MAGI1: variants seen among roughly 807,000 people sequenced by gnomAD.
MAGI1 encodes the protein membrane associated guanylate kinase, WW and PDZ domain containing 1.
MAGI1 carries 58 observed loss-of-function variants against 139.9 expected under a neutral mutation model. That is an observed-to-expected ratio of 0.41 (90% CI 0.34 to 0.52). The LOEUF (loss-of-function observed/expected upper bound fraction) is 0.52, where lower values mean the gene tolerates loss of function less well. MAGI1 is among the 20% of genes least tolerant of loss of function. The pLI, the probability that MAGI1 is intolerant of heterozygous loss-of-function variation, is 0.12. For missense variants in MAGI1, 1,874 were observed against 1,901.6 expected (o/e 0.99, Z 0.27); for synonymous variants, 812 against 737.9 (o/e 1.10, Z -1.63).
At chr3:65,454,048 A>T (rs901424147) in intron 5 of MAGI1, among the ~76,000 whole-genome samples, 8 of 152,154 alleles carry the variant, frequency 5.3e-5, no homozygotes. Flanking sequence ...AAGTGTAGAG[A>T]CACATTCCCA....
At chr3:65,751,878 A>T (rs1440902326) in intron 1 of MAGI1, among the ~76,000 whole-genome samples, 1 of 152,218 alleles carries the variant, frequency 6.6e-6, no homozygotes, top group Non-Finnish European at 1.5e-5. Context: ...TCTTTTACAA[A>T]CAGAATTTCT....
At chr3:65,426,421 A>G (rs572893039) in intron 12 of MAGI1, among the ~76,000 whole-genome samples, 51 of 152,350 alleles carry the variant, frequency 3.3e-4, no homozygotes, top group Non-Finnish European at 4.1e-4. Context: ...TGCTACAAAC[A>G]TAGCAGCCAG....
intron 2 of MAGI1, among the ~76,000 whole-genome samples, chr3:65,544,334 G>GT (rs2079400013): frequency 6.6e-6 from 1 of 152,092 alleles, no homozygotes; most frequent in African/African-American, 2.4e-5. Context: ...GCTAGTCAAC[G>GT]TATCACTCAA....
chr3:65,619,259 A>C (rs996318141), intron 2 of MAGI1, among the ~76,000 whole-genome samples: 2 of 152,192 alleles, frequency 1.3e-5, no homozygotes, highest in Non-Finnish European at 2.9e-5. Context: ...TTGGCCAGTA[A>C]AACAGGGGTG....
chr3:65,546,996 T>A (rs1272914493), intron 2 of MAGI1, among the ~76,000 whole-genome samples: 1 of 152,216 alleles, frequency 6.6e-6, no homozygotes, highest in East Asian at 1.9e-4. Flanking sequence ...TACATGTATG[T>A]AAGCTAACAT....
rs149520750 is a variant in MAGI1 at position 65,354,250 on chromosome 3, T to C, written c.*2128A>G. 1 of 152,656 alleles carries C rather than the reference T, an allele frequency of 6.6e-6. No individual in the cohort carries two copies. Among genetic ancestry groups the C allele is most frequent in the Non-Finnish European group, 1.5e-5 (1 of 68,054 alleles). 9.5% of individuals were successfully genotyped at this position (152,656 alleles called of 1,614,324 possible). On this transcript the variant is annotated 3_prime_UTR_variant, in exon 23 of 23. Transcript: ENST00000402939. ...CCTTACTACAGCTCAATGTATGCTTTGTATGGAAAACTTTAATAATAAAAA... is the reference window on the plus strand; with the variant it reads ...CCTTACTACAGCTCAATGTATGCTTCGTATGGAAAACTTTAATAATAAAAA...
intron 1 of MAGI1, among the ~76,000 whole-genome samples, chr3:65,963,937 T>C (rs1445165548): frequency 6.6e-6 from 1 of 152,208 alleles, no homozygotes; most frequent in Non-Finnish European, 1.5e-5. Context: ...ATTAAGAAAT[T>C]TGTCTGAGAC....
Position 65,439,768 on chromosome 3 carries a change from C to T in MAGI1, c.1270+111G>A, listed in dbSNP as rs369186437. 4.8e-5 allele frequency: 75 copies of T among 1,567,278 alleles called. 1 individual carries two copies. The African/African-American group carries it at 8.5e-4, about 18-fold the overall frequency. On this transcript the variant is annotated intron_variant, in intron 9 of 22. Transcript: ENST00000402939. ...ACAGGACATCAGCTCTTCAGTGTGG[C>T]AAGAGAGGACTCAATCATCGAGGCC... is the stretch of plus-strand genomic sequence containing the variant.
At chr3:65,809,844 C>T (rs2041107995) in intron 1 of MAGI1, among the ~76,000 whole-genome samples, 2 of 152,140 alleles carry the variant, frequency 1.3e-5, no homozygotes, top group Admixed American at 1.3e-4. Flanking sequence ...TCTACAGGAG[C>T]TCACAATCTG....
At chr3:65,494,259 C>T (rs565608139) in intron 2 of MAGI1, among the ~76,000 whole-genome samples, 27 of 152,228 alleles carry the variant, frequency 1.8e-4, no homozygotes, top group Middle Eastern at 3.4e-3. Flanking sequence ...GGAGAAAGGA[C>T]GCTGCATTTG....
At chr3:65,423,434 A>G (rs941504585) in intron 12 of MAGI1, among the ~76,000 whole-genome samples, 8 of 152,224 alleles carry the variant, frequency 5.3e-5, no homozygotes, top group Non-Finnish European at 1.0e-4. Context: ...CACTTAGCTA[A>G]CGAGATTAGA....
At chr3:65,573,996 A>C (rs1041965808) in intron 2 of MAGI1, among the ~76,000 whole-genome samples, 35 of 152,048 alleles carry the variant, frequency 2.3e-4, no homozygotes, top group African/African-American at 8.4e-4. Flanking sequence ...ATTATTTACT[A>C]TCTGGCCTTT....
At chr3:65,986,385 T>C (rs945659839) in intron 1 of MAGI1, among the ~76,000 whole-genome samples, 4 of 152,250 alleles carry the variant, frequency 2.6e-5, no homozygotes, top group African/African-American at 9.6e-5. Flanking sequence ...TGAGTTGAGA[T>C]GTGCACCTGA....
chr3:65,411,842 G>C (rs1245129225), intron 12 of MAGI1, among the ~76,000 whole-genome samples: 1 of 152,030 alleles, frequency 6.6e-6, no homozygotes, highest in Non-Finnish European at 1.5e-5. Context: ...CCTGCCTGAG[G>C]CTTCTTTTTC....
At chr3:65,379,194 C>G in intron 17 of MAGI1, 67 bp downstream of exon 17, 1 of 1,602,488 alleles carries the variant, frequency 6.2e-7, no homozygotes, top group Non-Finnish European at 8.5e-7. Context: ...TCAGCTTTCA[C>G]TCGCAAGAGA....
intron 1 of MAGI1, among the ~76,000 whole-genome samples, chr3:65,859,873 C>T (rs557242181): frequency 6.9e-6 from 1 of 145,066 alleles, no homozygotes; most frequent in South Asian, 2.3e-4. Context: ...CTATGCTAAC[C>T]AATCAGGTGT....
chr3:65,616,023 T>C (rs2083352670), intron 2 of MAGI1, among the ~76,000 whole-genome samples: 2 of 152,196 alleles, frequency 1.3e-5, no homozygotes, highest in Non-Finnish European at 2.9e-5. Flanking sequence ...TTGCTAGCCA[T>C]GAAAGTCCTC....
chr3:65,386,360 G>C (rs905826575), intron 14 of MAGI1, among the ~76,000 whole-genome samples: 7 of 151,922 alleles, frequency 4.6e-5, no homozygotes, highest in Non-Finnish European at 1.0e-4. Flanking sequence ...GGATGTTAAA[G>C]ACACAAGAGT....
At chr3:65,616,642 A>G (rs1311309124) in intron 2 of MAGI1, among the ~76,000 whole-genome samples, 2 of 152,234 alleles carry the variant, frequency 1.3e-5, no homozygotes, top group South Asian at 4.1e-4. Flanking sequence ...TAGTTTAGAT[A>G]GAGGACAAGG....
Sources: allele counts gnomAD v4.1 joint callset (sites outside exome capture counted in the v4.1 genomes callset), GRCh38; gene constraint gnomAD v4.1.1; transcripts MANE v1.5; gene names NCBI Gene and HGNC (gene_info 2026-07-23, HGNC 2026-07-21).